Variants in STXBP5 observed in about 807,000 individuals in gnomAD.
STXBP5 encodes the protein syntaxin-binding protein 5.
A neutral mutation model predicts 152.4 loss-of-function variants in STXBP5; 50 were observed. The ratio of observed to expected loss-of-function variants is 0.33; its 90% CI spans 0.26 to 0.42. The LOEUF (loss-of-function observed/expected upper bound fraction) is 0.42. Ranked by LOEUF, STXBP5 falls within the 10% of genes least tolerant of loss-of-function variation. The probability of loss-of-function intolerance (pLI) is 1.00; values close to 1 mark genes in which losing one functional copy is unlikely to be tolerated. For synonymous variants in STXBP5, 492 were observed against 494.7 expected, an observed-to-expected ratio of 0.99 and a Z score of 0.07; for missense variants, 1,167 against 1,388.6, an observed-to-expected ratio of 0.84 and a Z score of 2.54.
In STXBP5 at chr6:147,314,182, TACACACAC is replaced by T. The variant is rs5880705; in HGVS notation, c.1294-61_1294-54del. On this transcript the variant is annotated intron_variant, in intron 12 of 27. Coordinates refer to ENST00000321680, the MANE Select transcript of STXBP5 (RefSeq NM_001127715.4). ...AAAATATGTTTTTCACTGGATTATT[TACACACAC>T]ACACACACACACACACACACGGAGG... The T allele has an allele frequency of 5.4e-3, 5,115 of 945,366 alleles. 148 individuals carry two copies. In the African/African-American group the frequency reaches 0.075, roughly 14 times the overall value. 58.6% of individuals were successfully genotyped at this position (945,366 alleles called of 1,614,324 possible). A position where few individuals can be genotyped will look rare whatever the true frequency, so the allele number is the denominator to read the frequency against.
chr6:147,310,279 T>C (rs1337641674), intron 10 of STXBP5, 41 bp downstream of exon 10: 2 of 1,305,114 alleles, frequency 1.5e-6, no homozygotes, highest in South Asian at 4.5e-5. Context: ...TATAGAGAGC[T>C]GATATTAAAA....
chr6:147,348,559 T>C (rs1274978794), intron 21 of STXBP5, among the ~76,000 whole-genome samples: 1 of 152,202 alleles, frequency 6.6e-6, no homozygotes, highest in Non-Finnish European at 1.5e-5. Flanking sequence ...AAGTTACATA[T>C]GTTTTTCTTT....
chr6:147,322,031 G>C lies in STXBP5; in HGVS notation c.1803-2928G>C, dbSNP rs1336011595. ...AATTCCATGAGTTCTGTGTGTCCTG[G>C]TCACTTAAATCTTAAATGTGCCCAT... On this transcript the variant is annotated intron_variant, in intron 16 of 27. Transcript: ENST00000321680. Among the ~76,000 whole-genome samples, 3 of 152,112 alleles carry C rather than the reference G, an allele frequency of 2.0e-5. No homozygotes were observed. The East Asian group carries it at 5.8e-4, about 29-fold the overall frequency.
intron 5 of STXBP5, among the ~76,000 whole-genome samples, 189 bp from the exon 6 acceptor site, chr6:147,262,101 A>T (rs1391214979): frequency 6.6e-6 from 1 of 151,840 alleles, no homozygotes; most frequent in Non-Finnish European, 1.5e-5. Context: ...TATATGAGTC[A>T]CCACTTCTTC....
intron 7 of STXBP5, among the ~76,000 whole-genome samples, chr6:147,275,649 C>T (rs1422216753): frequency 6.8e-6 from 1 of 147,502 alleles, no homozygotes; most frequent in Non-Finnish European, 1.5e-5. Flanking sequence ...GCTCCACCTC[C>T]CGGGTTCACG....
intron 9 of STXBP5, among the ~76,000 whole-genome samples, chr6:147,304,974 G>A (rs768967915): frequency 1.3e-5 from 2 of 152,120 alleles, no homozygotes; most frequent in Non-Finnish European, 2.9e-5. Context: ...GGGGGTATGA[G>A]GCTTGGATTG....
At position 147,315,730 on chromosome 6, in the gene STXBP5, ATTCCGGTAATAACGTCTTAGTTATT is replaced by A; in HGVS notation, c.1622_1623+23del. On this transcript the variant is annotated splice_donor_variant and splice_donor_5th_base_variant and coding_sequence_variant and intron_variant, in exon 15 of 28. Coordinates refer to ENST00000321680, the MANE Select transcript of STXBP5 (RefSeq NM_001127715.4). LOFTEE classifies it high-confidence loss of function. The stretch of plus-strand genomic sequence containing the variant: ...CAAGCAGGAAGTAATCACAGAAGTC[ATTCCGGTAATAACGTCTTAGTTATT>A]TTCATGGTCAAGTTATTTTCATCCA... 1 of 1,611,550 alleles carries A rather than the reference ATTCCGGTAATAACGTCTTAGTTATT, an allele frequency of 6.2e-7. No homozygotes were observed. The highest frequency in any genetic ancestry group is 1.7e-5 in the Admixed American group (1 of 59,904).
chr6:147,270,528 A>T (rs1365042345), intron 7 of STXBP5, among the ~76,000 whole-genome samples: 3 of 150,464 alleles, frequency 2.0e-5, no homozygotes, highest in East Asian at 1.9e-4. Context: ...ACCTGGTGAA[A>T]TTTTTTTTTT....
chr6:147,249,709 AAGAG>A (rs34590257), intron 4 of STXBP5, among the ~76,000 whole-genome samples: 1 of 151,742 alleles, frequency 6.6e-6, no homozygotes, highest in Admixed American at 6.6e-5. Flanking sequence ...CAGCTGGCAA[AAGAG>A]AGAGATTGTT....
chr6:147,311,458 T>C lies in STXBP5; in HGVS notation c.1076T>C (p.Phe359Ser). 6.2e-7 allele frequency: 1 copy of C among 1,611,806 alleles called. No individual in the cohort carries two copies. The highest frequency in any genetic ancestry group is 8.5e-7 in the Non-Finnish European group (1 of 1,178,976). ...TTCATGCATTGTCCAATTCCAGATT[T>C]TCAAGAACCATATGCTGTGGTTGTT... ...TLCETPYPND[F>S]QEPYAVVVLL... is the part of the protein sequence containing the mutation. Residue 359 changes from phenylalanine (F) to serine (S), a missense_variant, in exon 11 of 28, where the codon TTT becomes TCT. Coordinates refer to ENST00000321680, the MANE Select transcript of STXBP5 (RefSeq NM_001127715.4).
intron 26 of STXBP5, among the ~76,000 whole-genome samples, chr6:147,382,185 C>T (rs1047538516): frequency 2.0e-4 from 30 of 152,146 alleles, no homozygotes; most frequent in African/African-American, 6.3e-4. Context: ...AACAGTGAAT[C>T]GCAAGGTCTT....
At chr6:147,264,815 T>C (rs1562448510) in intron 6 of STXBP5, among the ~76,000 whole-genome samples, 1 of 152,106 alleles carries the variant, frequency 6.6e-6, no homozygotes, top group African/African-American at 2.4e-5. Flanking sequence ...AAGAAAGGAA[T>C]TGAAAAGCTG....
At chr6:147,340,496 A>T (rs2128398333) in intron 21 of STXBP5, among the ~76,000 whole-genome samples, 1 of 152,160 alleles carries the variant, frequency 6.6e-6, no homozygotes, top group South Asian at 2.1e-4. Flanking sequence ...ATGTACTAGC[A>T]CTATGGCACA....
chr6:147,373,979 C>T (rs1217484395), intron 26 of STXBP5, 137 bp downstream of exon 26: 4 of 569,686 alleles, frequency 7.0e-6, no homozygotes, highest in Admixed American at 3.2e-5. Flanking sequence ...TAACAAAATA[C>T]ATAAAATTAT....
rs768863916 is a variant in STXBP5, at chr6:147,363,365, T to G, written c.2576T>G (p.Leu859Trp). ...ATATTGAGGTTAAAAGGTGCAATCT[T>G]GAGAATGGCATTTCTGGATACCACA... ...GTILRLKGAI[L>W]RMAFLDTTGC... Residue 859 changes from leucine (L) to tryptophan (W), a missense_variant, in exon 24 of 28, where the codon TTG (leucine) becomes TGG (tryptophan). Leu to Trp is a moderately conservative substitution (Grantham distance 61, BLOSUM62 -2). Transcript: ENST00000321680. 1.6e-5 allele frequency: 25 copies of G among 1,607,264 alleles called. No homozygotes were observed. In the East Asian group the frequency reaches 5.1e-4, roughly 33 times the overall value.
intron 4 of STXBP5, among the ~76,000 whole-genome samples, chr6:147,244,531 A>G (rs1423700179): frequency 6.6e-6 from 1 of 152,144 alleles, no homozygotes; most frequent in African/African-American, 2.4e-5. Context: ...ACGTCTCCGA[A>G]ATTGCAATGT....
Position 147,387,101 on chromosome 6 carries a change from G to A in STXBP5, c.*2346G>A, listed in dbSNP as rs1266244152. ...TACAAATTATGCACAACAAACTAGA[G>A]ACTCAGTTAGGATTAGAAAGCTTAA... On this transcript the variant is annotated 3_prime_UTR_variant, in exon 28 of 28. Transcript: ENST00000321680. 3 of 151,604 alleles carry A rather than the reference G, an allele frequency of 2.0e-5. No homozygotes were observed. The highest frequency in any genetic ancestry group is 4.4e-5 in the Non-Finnish European group (3 of 67,690). 9.4% of individuals were successfully genotyped at this position (151,604 alleles called of 1,614,324 possible). A position where few individuals can be genotyped will look rare whatever the true frequency, so the allele number is the denominator to read the frequency against.
intron 2 of STXBP5, among the ~76,000 whole-genome samples, chr6:147,233,197 GGTCA>G (rs1778092171): frequency 6.6e-6 from 1 of 151,704 alleles, no homozygotes; most frequent in African/African-American, 2.4e-5. Flanking sequence ...ACTTCATGAA[GGTCA>G]GTCACTTAAA....
intron 4 of STXBP5, among the ~76,000 whole-genome samples, chr6:147,245,227 C>A (rs895926509): frequency 6.6e-6 from 1 of 151,850 alleles, no homozygotes; most frequent in Non-Finnish European, 1.5e-5. Context: ...TAGGACTTCA[C>A]CATATAATTG....
Sources: gnomAD v4.1 joint callset for allele counts (sites outside exome capture counted in the v4.1 genomes callset) on GRCh38, gnomAD v4.1.1 for gene constraint, MANE v1.5 for transcripts, NCBI Gene and HGNC (gene_info 2026-07-23, HGNC 2026-07-21) for gene names.